KIF13A: variants seen among roughly 807,000 people sequenced by gnomAD.
KIF13A encodes the protein kinesin-like protein KIF13A.
Under a neutral mutation model 212.2 loss-of-function variants are expected in KIF13A, and 79 were observed. The ratio of observed to expected loss-of-function variants is 0.37; its 90% confidence interval spans 0.31 to 0.45. KIF13A has a LOEUF of 0.45. Among genes scored for constraint, KIF13A ranks in the 20% least tolerant of loss-of-function variants. KIF13A has a pLI of 1.00. For missense variants in KIF13A, 1,901 were observed against 2,209.0 expected, an observed-to-expected ratio of 0.86 and a Z score of 2.79; for synonymous variants, 789 against 808.6, an observed-to-expected ratio of 0.98 and a Z score of 0.41.
At position 17,781,301 on chromosome 6, in the gene KIF13A, G is replaced by A. The variant is rs200192784; in HGVS notation, c.3545C>T (p.Ala1182Val). ...HIPVLFLDLN[A>V]DDLSANEQLV... ...CTGCTCATTGGCACTGAGGTCATCC[G>A]CTAACCACATCAGGAGCACAGAAAA... is the stretch of plus-strand genomic sequence containing the variant. The change falls in exon 30 of 39, where the codon GCG (alanine) becomes GTG (valine). Residue 1182 changes from alanine to valine, a missense_variant and splice_region_variant. Physicochemically the swap from Ala to Val is moderately conservative, Grantham distance 64 (BLOSUM62 0). Transcript: ENST00000259711. 136 of 1,593,196 alleles carry A rather than the reference G, an allele frequency of 8.5e-5. No individual in the cohort carries two copies. Among genetic ancestry groups the A allele is most frequent in the South Asian group, 1.8e-4 (16 of 87,490 alleles).
chr6:17,835,072 G>A (rs1297322225), intron 11 of KIF13A, among the ~76,000 whole-genome samples: 2 of 151,620 alleles, frequency 1.3e-5, no homozygotes. Flanking sequence ...TGTAATCCTA[G>A]CTACTTGGGA....
At chr6:17,948,410 A>T (rs1387142864) in intron 2 of KIF13A, among the ~76,000 whole-genome samples, 1 of 152,052 alleles carries the variant, frequency 6.6e-6, no homozygotes, top group African/African-American at 2.4e-5. Flanking sequence ...GAGTCAAATT[A>T]CTCCCAACTT....
Position 17,809,957 on chromosome 6 carries a change from TG to T in KIF13A, c.2001-1028del, listed in dbSNP as rs1213407195. On this transcript the variant is annotated intron_variant, in intron 17 of 38. Transcript: ENST00000259711. This position sits in a 1 kb window ranked among gnomAD's most constrained non-coding sequence, Gnocchi z 4.7. ...AAACCATATTACCAGCTGGGGGCAG[TG>T]GCTCATGGCTATAATCCCAACACTT... Among the ~76,000 whole-genome samples the T allele has an allele frequency of 1.3e-5, 2 of 152,124 alleles. No individual in the cohort carries two copies. Among genetic ancestry groups the T allele is most frequent in the Non-Finnish European group, 2.9e-5 (2 of 68,028 alleles).
At chr6:17,864,179 T>G (rs980163598) in intron 4 of KIF13A, among the ~76,000 whole-genome samples, 9 of 152,206 alleles carry the variant, frequency 5.9e-5, no homozygotes, top group Admixed American at 6.5e-5. Context: ...CCAAGAGGCC[T>G]GTGACTTTTC....
chr6:17,849,689 C>T lies in KIF13A; in HGVS notation c.718-200G>A, dbSNP rs113801272. 3.9e-5 allele frequency among the ~76,000 whole-genome samples: 6 copies of T among 152,274 alleles called. 1 individual carries two copies. The highest frequency in any genetic ancestry group is 1.4e-4 in the African/African-American group (6 of 41,552). On this transcript the variant is annotated intron_variant, in intron 8 of 38. Coordinates refer to ENST00000259711, the MANE Select transcript of KIF13A (RefSeq NM_022113.6). This position sits in a 1 kb window ranked among gnomAD's most constrained non-coding sequence, Gnocchi z 5.7. Reference sequence around the variant, plus strand: ...CATTTAAATAGGCGTAGAAATGTAGCATTTTGTTTTGCAGCTGGGTAGCAA... The same window carrying T: ...CATTTAAATAGGCGTAGAAATGTAGTATTTTGTTTTGCAGCTGGGTAGCAA...
At chr6:17,810,945 A>G (rs1001149832) in intron 17 of KIF13A, among the ~76,000 whole-genome samples, 3 of 152,184 alleles carry the variant, frequency 2.0e-5, no homozygotes, top group Admixed American at 2.0e-4. Flanking sequence ...CTGGTTCCTA[A>G]CAGGCCACGG....
Position 17,794,386 on chromosome 6 carries a change from G to A in KIF13A, c.3085C>T (p.Arg1029Cys). 2 of 1,612,942 alleles carry A rather than the reference G, an allele frequency of 1.2e-6. No individual in the cohort carries two copies. Among genetic ancestry groups the A allele is most frequent in the Non-Finnish European group, 1.7e-6 (2 of 1,179,154 alleles). The change falls in exon 25 of 39, where the codon CGT becomes TGT. Residue 1029 changes from arginine (R) to cysteine (C), a missense_variant. By Grantham distance (180) the Arg-to-Cys change is radical (BLOSUM62 -3). Coordinates refer to ENST00000259711, the MANE Select transcript of KIF13A (RefSeq NM_022113.6). The surrounding 1 kb of genome is among the most constrained non-coding windows in gnomAD (Gnocchi z 4.1). ...GGTTTCACCGTGACTTGTACTCTAC[G>A]GGAATGACCCTGAAGAGGGTGGGGA... ...GIFQLRQGHS[R>C]RVQVTVKPVQ...
rs116486462 is a variant in KIF13A, at chr6:17,970,231, T to C, written c.146+16823A>G. On this transcript the variant is annotated intron_variant, in intron 2 of 38. Coordinates refer to ENST00000259711, the MANE Select transcript of KIF13A (RefSeq NM_022113.6). ...GCCACCGCGCCCGGCCGTGTTTTCT[T>C]AAATAAGGGATTCATGCATGCTTTC... Among the ~76,000 whole-genome samples the C allele has an allele frequency of 7.8e-3, 1,182 of 152,314 alleles. 17 individuals carry two copies. Among genetic ancestry groups the C allele is most frequent in the African/African-American group, 0.027 (1,127 of 41,572 alleles).
Position 17,780,893 on chromosome 6 carries a change from G to A in KIF13A, c.3683C>T (p.Ala1228Val). ...KHSDDEVSAT[A>V]SWDSSVHDSV... The stretch of plus-strand genomic sequence containing the variant: ...ATCATGCACCGAGGAATCCCAAGAG[G>A]CTGTGGCTGAAACCTAGGAGTTGGG... The change falls in exon 31 of 39, where the codon GCC becomes GTC. Residue 1228 changes from alanine to valine, a missense_variant. Coordinates refer to ENST00000259711, the MANE Select transcript of KIF13A (RefSeq NM_022113.6). 1.2e-6 allele frequency: 2 copies of A among 1,613,320 alleles called. No homozygotes were observed. The highest frequency in any genetic ancestry group is 1.7e-6 in the Non-Finnish European group (2 of 1,179,472).
chr6:17,761,661 G>A (rs911393281), downstream of KIF13A, among the ~76,000 whole-genome samples: 1 of 152,124 alleles, frequency 6.6e-6, no homozygotes, highest in African/African-American at 2.4e-5. Flanking sequence ...GGGATTACAG[G>A]TGTGAGCCAC....
At chr6:17,805,954 CT>C (rs35141879) in intron 18 of KIF13A, among the ~76,000 whole-genome samples, 59,695 of 140,812 alleles carry the variant, frequency 0.42, 12,872 homozygotes, top group East Asian at 0.6. Context: ...GGATCTTGCT[CT>C]ATCATCCAAG....
At chr6:17,983,227 T>C (rs1408350724) in intron 2 of KIF13A, among the ~76,000 whole-genome samples, 1 of 148,436 alleles carries the variant, frequency 6.7e-6, no homozygotes, top group Non-Finnish European at 1.5e-5. Context: ...AATATATAAA[T>C]ACTTATTTGT....
intron 16 of KIF13A, among the ~76,000 whole-genome samples, chr6:17,818,663 C>G (rs1310116608): frequency 3.3e-5 from 5 of 152,108 alleles, no homozygotes; most frequent in Non-Finnish European, 5.9e-5. Context: ...TTGCAACAAG[C>G]CTAAGTGTGG....
At chr6:17,939,994 C>T (rs1181801981) in intron 2 of KIF13A, among the ~76,000 whole-genome samples, 1 of 149,690 alleles carries the variant, frequency 6.7e-6, no homozygotes, top group South Asian at 2.1e-4. Context: ...GAGCCGAGAT[C>T]GCGCCACTAC....
chr6:17,814,447 C>T (rs1418612760), intron 17 of KIF13A, among the ~76,000 whole-genome samples: 1 of 151,806 alleles, frequency 6.6e-6, no homozygotes, highest in Non-Finnish European at 1.5e-5. Flanking sequence ...CGGGGTTTCA[C>T]CATCTTGGCC....
chr6:17,972,556 CAACA>C (rs1424204315), intron 2 of KIF13A, among the ~76,000 whole-genome samples: 6 of 152,244 alleles, frequency 3.9e-5, no homozygotes, highest in African/African-American at 1.2e-4. Context: ...TTAATCTGTT[CAACA>C]AACTACATGT....
At chr6:17,972,928 G>GTA (rs1287223676) in intron 2 of KIF13A, among the ~76,000 whole-genome samples, 1 of 151,704 alleles carries the variant, frequency 6.6e-6, no homozygotes, top group Non-Finnish European at 1.5e-5. Context: ...ACAGCAGCCA[G>GTA]TTCATCAAGC....
At chr6:17,797,891 T>C (rs115599857) in intron 22 of KIF13A, among the ~76,000 whole-genome samples, 16 of 152,098 alleles carry the variant, frequency 1.1e-4, no homozygotes, top group African/African-American at 3.9e-4. Context: ...GAGTGAGACA[T>C]CGTCTTTAAA....
At position 17,855,534 on chromosome 6, in the gene KIF13A, T is replaced by A. The variant is rs778132880; in HGVS notation, c.397A>T (p.Ile133Phe). 44 of 1,613,778 alleles carry A rather than the reference T, an allele frequency of 2.7e-5. No individual in the cohort carries two copies. The South Asian group carries it at 4.5e-4, about 17-fold the overall frequency. Residue 133 changes from isoleucine to phenylalanine, a missense_variant, in exon 6 of 39, where the codon ATC becomes TTC. Ile to Phe is a conservative substitution (Grantham distance 21). Transcript: ENST00000259711. This position sits in a 1 kb window ranked among gnomAD's most constrained non-coding sequence, Gnocchi z 4.1. Reference sequence around the variant, plus strand: ...TGTGACTCATTTTGCTCCAAAGAGATCCTTTTAAATAAAGCACAGCAGAGC... The same window carrying A: ...TGTGACTCATTTTGCTCCAAAGAGAACCTTTTAAATAAAGCACAGCAGAGC... The part of the protein sequence containing the change: ...PRLCCALFKR[I>F]SLEQNESQTF...
Sources: gnomAD v4.1 joint callset for allele counts (sites outside exome capture counted in the v4.1 genomes callset) on GRCh38, gnomAD v4.1.1 for gene constraint, Gnocchi (gnomAD v3.1) non-coding constraint, MANE v1.5 for transcripts, NCBI Gene and HGNC (gene_info 2026-07-23, HGNC 2026-07-21) for gene names.